Variants in KLHL5 observed in about 807,000 individuals in gnomAD.
KLHL5 encodes the protein kelch like family member 5, also known as kelch-like protein 5.
A neutral mutation model predicts 77.7 loss-of-function variants in KLHL5; 48 were observed. That is an observed-to-expected ratio of 0.62 (90% CI 0.49 to 0.79). The LOEUF (loss-of-function observed/expected upper bound fraction) is 0.79. KLHL5 is among the 30% of genes least tolerant of loss of function. The pLI, the probability that KLHL5 is intolerant of heterozygous loss-of-function variation, is 0.00. For synonymous variants in KLHL5, 260 were observed against 297.0 expected (o/e 0.88, Z 1.28); for missense variants, 723 against 859.7 (o/e 0.84, Z 1.99).
intron 1 of KLHL5, chr4:39,045,217 G>T: frequency 1.0e-6 from 1 of 964,464 alleles, no homozygotes; most frequent in Middle Eastern, 5.3e-4. Flanking sequence ...GCGCGAAGAC[G>T]CTGCCCCTCC....
At chr4:39,063,893 T>G (rs1717652889) in intron 1 of KLHL5, 1 of 153,760 alleles carries the variant, frequency 6.5e-6, no homozygotes, top group Admixed American at 6.5e-5. Context: ...ACAATAAGAT[T>G]ATATAACAAC....
intron 1 of KLHL5, among the ~76,000 whole-genome samples, chr4:39,074,551 G>C (rs543474094): frequency 2.6e-5 from 4 of 152,270 alleles, no homozygotes; most frequent in African/African-American, 9.6e-5. Context: ...TTGCAAGAGA[G>C]GCTGGGAAAT....
rs527352834 is a variant in KLHL5, at chr4:39,126,096, G to A, written c.*5030G>A. Among the ~76,000 whole-genome samples, 5 of 152,232 alleles carry A rather than the reference G, an allele frequency of 3.3e-5. No homozygotes were observed. Among genetic ancestry groups the A allele is most frequent in the African/African-American group, 1.2e-4 (5 of 41,538 alleles). ...TAACGGGGAACTTCCCCACCGTCCG[G>A]TACATGGCAGGCATTCCACAAATGT... is the stretch of plus-strand genomic sequence containing the variant. On this transcript the variant is annotated 3_prime_UTR_variant, in exon 11 of 11. Transcript: ENST00000504108.
the KLHL5 span, among the ~76,000 whole-genome samples, chr4:39,142,108 A>G: frequency 1.3e-5 from 2 of 152,238 alleles, no homozygotes; most frequent in South Asian, 4.1e-4. Flanking sequence ...ACAACATCTG[A>G]ATCATGACAG....
chr4:39,072,862 G>T (rs1044762436), intron 1 of KLHL5, among the ~76,000 whole-genome samples: 1 of 152,146 alleles, frequency 6.6e-6, no homozygotes, highest in Admixed American at 6.5e-5. Flanking sequence ...GGAGGAACAA[G>T]TTCTCGTGTG....
intron 5 of KLHL5, among the ~76,000 whole-genome samples, chr4:39,087,895 AC>A (rs1344367138): frequency 6.6e-6 from 1 of 152,180 alleles, no homozygotes; most frequent in Non-Finnish European, 1.5e-5. Flanking sequence ...AGCAAAAGTT[AC>A]TGTTTGTTTT....
chr4:39,077,694 TA>T (rs60744492), intron 2 of KLHL5, among the ~76,000 whole-genome samples: 104,867 of 128,514 alleles, frequency 0.82, 41,937 homozygotes, highest in Middle Eastern at 0.87. Flanking sequence ...GAACTAAAGG[TA>T]AAAAAAAAAA....
chr4:39,096,648 A>C (rs762579842), intron 5 of KLHL5, 44 bp from the exon 6 acceptor site: 1 of 1,342,084 alleles, frequency 7.5e-7, no homozygotes, highest in Non-Finnish European at 1.0e-6. Context: ...AAACCCTACC[A>C]TTTTCTTAGT....
chr4:39,101,201 T>A (rs960912120), intron 6 of KLHL5, among the ~76,000 whole-genome samples: 1 of 149,428 alleles, frequency 6.7e-6, no homozygotes, highest in Non-Finnish European at 1.5e-5. Flanking sequence ...AAAATAACTT[T>A]TAGTTACCAA....
intron 8 of KLHL5, 56 bp downstream of exon 8, chr4:39,107,787 A>G (rs1362267681): frequency 2.3e-6 from 3 of 1,314,998 alleles, no homozygotes; most frequent in Middle Eastern, 2.0e-4. Context: ...TTATTAAGCT[A>G]TATCATTTCT....
At chr4:39,111,014 C>T (rs533988508) in intron 8 of KLHL5, among the ~76,000 whole-genome samples, 1 of 152,030 alleles carries the variant, frequency 6.6e-6, no homozygotes, top group East Asian at 1.9e-4. Context: ...TTTTTAGACT[C>T]CCTCAATTTC....
intron 7 of KLHL5, 135 bp from the exon 8 acceptor site, chr4:39,107,434 A>G (rs1333888958): frequency 1.1e-5 from 2 of 180,774 alleles, no homozygotes; most frequent in African/African-American, 2.7e-5. Flanking sequence ...TGAGGAGGAC[A>G]CTTGTCTGCA....
intron 5 of KLHL5, among the ~76,000 whole-genome samples, chr4:39,091,778 C>T (rs1476871847): frequency 6.6e-6 from 1 of 151,538 alleles, no homozygotes; most frequent in Non-Finnish European, 1.5e-5. Flanking sequence ...TCAAGTGATC[C>T]TCCCACCTCA....
chr4:39,113,283 C>T (rs1270155446), intron 9 of KLHL5, 51 bp downstream of exon 9: 1 of 1,409,672 alleles, frequency 7.1e-7, no homozygotes, highest in Non-Finnish European at 9.8e-7. Context: ...ATATAAGTCT[C>T]TGATACTTAC....
At chr4:39,045,136 C>T (rs1716060896) in intron 1 of KLHL5, 15 of 984,420 alleles carry the variant, frequency 1.5e-5, no homozygotes, top group Non-Finnish European at 1.8e-5. Flanking sequence ...GAGGGGGCCG[C>T]CTCGGGCAGG....
In KLHL5 at chr4:39,082,055, T is replaced by C. The variant is rs751300846; in HGVS notation, c.796T>C (p.Phe266Leu). Residue 266 changes from phenylalanine (F) to leucine (L), a missense_variant, in exon 4 of 11, where the codon TTT becomes CTT. Physicochemically the swap from Phe to Leu is conservative, Grantham distance 22 (BLOSUM62 0). Coordinates refer to ENST00000504108, the MANE Select transcript of KLHL5 (RefSeq NM_015990.5). ...ACAGGTTGTAGAAGCATGCTGTAAG[T>C]TTTTAATGAAACAGCTTCATCCATC... ...LSQVVEACCK[F>L]LMKQLHPSNC... is the part of the protein sequence containing the mutation. 6.2e-7 allele frequency: 1 copy of C among 1,614,100 alleles called. No individual in the cohort carries two copies. The highest frequency in any genetic ancestry group is 1.1e-5 in the South Asian group (1 of 91,080).
the KLHL5 span, among the ~76,000 whole-genome samples, chr4:39,134,680 C>A: frequency 6.6e-6 from 1 of 152,176 alleles, no homozygotes; most frequent in Non-Finnish European, 1.5e-5. Flanking sequence ...TGAATGGATA[C>A]ACACACAGAG....
chr4:39,099,740 A>G (rs1721382353), intron 6 of KLHL5, among the ~76,000 whole-genome samples: 1 of 152,210 alleles, frequency 6.6e-6, no homozygotes, highest in African/African-American at 2.4e-5. Context: ...TCTAACCTGA[A>G]TAACATATAA....
At chr4:39,091,229 T>G (rs1720519925) in intron 5 of KLHL5, among the ~76,000 whole-genome samples, 1 of 151,526 alleles carries the variant, frequency 6.6e-6, no homozygotes, top group Non-Finnish European at 1.5e-5. Flanking sequence ...CCTCAAGAGA[T>G]CCACCCACTT....
Sources: allele counts gnomAD v4.1 joint callset (sites outside exome capture counted in the v4.1 genomes callset), GRCh38; gene constraint gnomAD v4.1.1; transcripts MANE v1.5; gene names NCBI Gene and HGNC (gene_info 2026-07-23, HGNC 2026-07-21).